FABP7: variants seen among roughly 807,000 people sequenced by gnomAD.
FABP7 encodes the protein fatty acid-binding protein, brain.
In FABP7, 13 loss-of-function variants were observed where a neutral mutation model predicts 14.2. The ratio of observed to expected loss-of-function variants is 0.91; its 90% CI spans 0.59 to 1.45. The LOEUF is 1.45. Ranked by LOEUF, FABP7 falls within the 40% of genes most tolerant of loss-of-function variation. The probability of loss-of-function intolerance (pLI) is 0.00; values close to 1 mark genes in which losing one functional copy is unlikely to be tolerated. For synonymous variants in FABP7, 49 were observed against 51.4 expected, an observed-to-expected ratio of 0.95 and a Z score of 0.20; for missense variants, 149 against 157.6, an observed-to-expected ratio of 0.95 and a Z score of 0.29.
chr6:122,763,837 T>C, the FABP7 span, among the ~76,000 whole-genome samples: 2 of 151,986 alleles, frequency 1.3e-5, no homozygotes, highest in African/African-American at 4.8e-5. Context: ...AAAACCACAA[T>C]GAGGTACCAT....
chr6:122,783,491 T>A, intron 3 of FABP7: 1 of 985,470 alleles, frequency 1.0e-6, no homozygotes, highest in Non-Finnish European at 1.2e-6. Context: ...TCTTTTGACT[T>A]GAATCTAAAG....
chr6:122,754,469 C>T, the FABP7 span, among the ~76,000 whole-genome samples: 12 of 152,296 alleles, frequency 7.9e-5, no homozygotes, highest in South Asian at 6.2e-4. Flanking sequence ...AACTTCTGGA[C>T]GACTTTTCTG....
the FABP7 span, among the ~76,000 whole-genome samples, chr6:122,758,886 C>G: frequency 1.3e-5 from 2 of 152,052 alleles, no homozygotes; most frequent in Non-Finnish European, 2.9e-5. Flanking sequence ...TGGGGTAAAA[C>G]ATAAAAATTA....
chr6:122,760,533 CTTTG>C, the FABP7 span, among the ~76,000 whole-genome samples: 2 of 136,446 alleles, frequency 1.5e-5, no homozygotes, highest in South Asian at 4.4e-4. Context: ...TCCATCTGCT[CTTTG>C]TTTTTTTTTT....
In FABP7 at chr6:122,783,069, A is replaced by G. The variant is rs560444099; in HGVS notation, c.349-648A>G. 25 of 985,308 alleles carry G rather than the reference A, an allele frequency of 2.5e-5. No individual in the cohort carries two copies. The South Asian group carries it at 2.8e-4, about 11-fold the overall frequency. 61.0% of individuals were successfully genotyped at this position (985,308 alleles called of 1,614,324 possible). A position where few individuals can be genotyped will look rare whatever the true frequency, so the allele number is the denominator to read the frequency against. ...TACTATACTCCTGAACATCACATCA[A>G]TACATGAAAACCATGAGCACCAAAA... On this transcript the variant is annotated intron_variant, in intron 3 of 3. Transcript: ENST00000368444.
upstream of FABP7, among the ~76,000 whole-genome samples, chr6:122,778,325 C>T (rs1318508185): frequency 1.3e-5 from 2 of 152,134 alleles, no homozygotes; most frequent in Non-Finnish European, 2.9e-5. Context: ...GTATCAGTCA[C>T]AAATAAAGTG....
chr6:122,779,528 C>T, upstream of FABP7: 1 of 497,846 alleles, frequency 2.0e-6, no homozygotes, highest in South Asian at 2.5e-5. Flanking sequence ...CGACCTACTC[C>T]GCTAACCCAG....
chr6:122,751,867 T>A, the FABP7 span, among the ~76,000 whole-genome samples: 1 of 152,060 alleles, frequency 6.6e-6, no homozygotes, highest in African/African-American at 2.4e-5. Flanking sequence ...TTCCTCCCCA[T>A]CTCCCTCCTT....
At chr6:122,767,716 G>A in the FABP7 span, among the ~76,000 whole-genome samples, 1 of 147,020 alleles carries the variant, frequency 6.8e-6, no homozygotes, top group African/African-American at 2.5e-5. Context: ...TTTGGGACCT[G>A]CCTGGGCAAC....
chr6:122,768,982 A>G, the FABP7 span, among the ~76,000 whole-genome samples: 1 of 152,088 alleles, frequency 6.6e-6, no homozygotes, highest in Non-Finnish European at 1.5e-5. Context: ...CCTTCCTAAA[A>G]CTTCAGGAAA....
the FABP7 span, among the ~76,000 whole-genome samples, chr6:122,758,592 T>G: frequency 6.6e-6 from 1 of 152,192 alleles, no homozygotes; most frequent in Non-Finnish European, 1.5e-5. Flanking sequence ...AGAAAGTTCA[T>G]AATTATAGGA....
the FABP7 span, among the ~76,000 whole-genome samples, chr6:122,753,090 C>T: frequency 1.3e-5 from 2 of 152,138 alleles, no homozygotes; most frequent in African/African-American, 4.8e-5. Context: ...CGAGACTAAC[C>T]GTTTCTCTCT....
intron 2 of FABP7, 197 bp downstream of exon 2, chr6:122,780,660 T>G (rs1780760976): frequency 1.6e-6 from 1 of 621,398 alleles, no homozygotes; most frequent in Non-Finnish European, 2.8e-6. Flanking sequence ...AGCATAAATC[T>G]CAGTTGTATT....
intron 2 of FABP7, 28 bp from the exon 3 acceptor site, chr6:122,781,065 A>G (rs200082674): frequency 1.3e-6 from 2 of 1,596,402 alleles, no homozygotes; most frequent in East Asian, 2.2e-5. Context: ...ATTTATTGCT[A>G]TGTTCTGCAT....
chr6:122,754,091 T>C, the FABP7 span, among the ~76,000 whole-genome samples: 1 of 152,160 alleles, frequency 6.6e-6, no homozygotes, highest in Non-Finnish European at 1.5e-5. Flanking sequence ...TTAGGTTCCC[T>C]GCCTTCAGAC....
At position 122,781,146 on chromosome 6, in the gene FABP7, C is replaced by T. The variant is rs770099358; in HGVS notation, c.300C>T (p.Gly100=). The change falls in exon 3 of 4, where the codon GGC becomes GGT. Residue 100 remains glycine (G), a synonymous_variant. Transcript: ENST00000368444. The part of the protein sequence containing the change: ...DKLVHIQKWD[G]KETNFVREIK... ...TTGTTCACATACAGAAATGGGATGG[C>T]AAAGAAACAAATTTTGTAAGAGAAA... 5 of 1,613,732 alleles carry T rather than the reference C, an allele frequency of 3.1e-6. No individual in the cohort carries two copies. In the Admixed American group the frequency reaches 6.7e-5, roughly 22 times the overall value.
upstream of FABP7, among the ~76,000 whole-genome samples, chr6:122,778,928 C>T (rs1780717966): frequency 2.0e-5 from 3 of 152,046 alleles, no homozygotes; most frequent in Non-Finnish European, 4.4e-5. Flanking sequence ...TCAAGGAGAT[C>T]GGGGGGAAAA....
chr6:122,781,476 C>G, intron 3 of FABP7: 1 of 1,370,144 alleles, frequency 7.3e-7, no homozygotes, highest in South Asian at 2.0e-5. Context: ...AAAACTGTGT[C>G]AAAAGATTTT....
chr6:122,762,427 C>T, the FABP7 span, among the ~76,000 whole-genome samples: 1 of 152,168 alleles, frequency 6.6e-6, no homozygotes, highest in Non-Finnish European at 1.5e-5. Context: ...AACCCACAGC[C>T]AATATCATAC....
Sources: allele counts gnomAD v4.1 joint callset (sites outside exome capture counted in the v4.1 genomes callset), GRCh38; gene constraint gnomAD v4.1.1; transcripts MANE v1.5; gene names NCBI Gene and HGNC (gene_info 2026-07-23, HGNC 2026-07-21).